LAMB3: variants seen among roughly 807,000 people sequenced by gnomAD.
LAMB3 encodes the protein laminin subunit beta 3.
LAMB3 carries 104 observed loss-of-function variants against 140.3 expected under a neutral mutation model. That is an observed-to-expected ratio of 0.74 (90% confidence interval 0.63 to 0.87). The LOEUF is 0.87. Ranked by LOEUF, LAMB3 falls within the 40% of genes least tolerant of loss-of-function variation. The probability of loss-of-function intolerance (pLI) is 0.00; values close to 1 mark genes in which losing one functional copy is unlikely to be tolerated. For missense variants in LAMB3, 1,531 were observed against 1,575.2 expected (o/e 0.97, Z 0.47); for synonymous variants, 592 against 602.9 (o/e 0.98, Z 0.26).
intron 3 of LAMB3, among the ~76,000 whole-genome samples, chr1:209,648,638 C>T (rs1028520464): frequency 1.3e-5 from 2 of 152,048 alleles, no homozygotes; most frequent in Non-Finnish European, 2.9e-5. Context: ...GCCAAAAGCC[C>T]CAGGCCTGGA....
At chr1:209,640,023 G>A (rs1446016712) in intron 3 of LAMB3, among the ~76,000 whole-genome samples, 1 of 152,184 alleles carries the variant, frequency 6.6e-6, no homozygotes, top group African/African-American at 2.4e-5. Context: ...CCTCTCCAAA[G>A]CTGGCACAGC....
At chr1:209,620,608 A>T (rs1425945528) in intron 18 of LAMB3, among the ~76,000 whole-genome samples, 3 of 152,256 alleles carry the variant, frequency 2.0e-5, no homozygotes, top group Non-Finnish European at 4.4e-5. Context: ...ATTAGGCTTG[A>T]AGCCTACCTG....
chr1:209,622,481 T>C, intron 18 of LAMB3, 55 bp downstream of exon 18: 2 of 1,606,130 alleles, frequency 1.2e-6, no homozygotes, highest in Non-Finnish European at 1.7e-6. Flanking sequence ...AACATGGGAA[T>C]GCGGGACAGG....
Position 209,617,600 on chromosome 1 carries a change from G to A in LAMB3, c.3052-14C>T, listed in dbSNP as rs750565887. On this transcript the variant is annotated splice_polypyrimidine_tract_variant and intron_variant, in intron 20 of 22. Coordinates refer to ENST00000356082, the MANE Select transcript of LAMB3 (RefSeq NM_000228.3). ...TACCTGCTGAACCTTTGTGGAAAGA[G>A]GGAGATCTGGCCTTTGTGGTGGGTC... 2 of 1,613,338 alleles carry A rather than the reference G, an allele frequency of 1.2e-6. No homozygotes were observed. The highest frequency in any genetic ancestry group is 3.3e-5 in the Admixed American group (2 of 60,030).
intron 3 of LAMB3, among the ~76,000 whole-genome samples, chr1:209,647,720 T>C (rs1465374787): frequency 6.6e-6 from 1 of 152,152 alleles, no homozygotes; most frequent in African/African-American, 2.4e-5. Flanking sequence ...GTACACCCCC[T>C]ATCTCTAACT....
intron 13 of LAMB3, 43 bp downstream of exon 13, chr1:209,626,824 C>G (rs751436472): frequency 6.7e-7 from 1 of 1,493,578 alleles, no homozygotes; most frequent in South Asian, 1.1e-5. Flanking sequence ...CCCGCGTGCT[C>G]GGCCCCCAGA....
intron 3 of LAMB3, among the ~76,000 whole-genome samples, chr1:209,641,752 T>G (rs1247552345): frequency 6.6e-6 from 1 of 152,216 alleles, no homozygotes; most frequent in Non-Finnish European, 1.5e-5. Flanking sequence ...CTGAAATACC[T>G]GAGCACTTAA....
chr1:209,640,493 A>G (rs1408015952), intron 3 of LAMB3, among the ~76,000 whole-genome samples: 1 of 151,992 alleles, frequency 6.6e-6, no homozygotes, highest in Non-Finnish European at 1.5e-5. Flanking sequence ...GGTTGCAGTG[A>G]GACGAGATCG....
rs1234780710 is a variant in LAMB3, at chr1:209,622,896, T to C, written c.2556+86A>G. On this transcript the variant is annotated intron_variant, in intron 17 of 22. Coordinates refer to ENST00000356082, the MANE Select transcript of LAMB3 (RefSeq NM_000228.3). ...GTCACCTAAAATCTCTGGACTTTAGTGTAAAATGGGAACTCTGACTTGCCC... is the reference window on the plus strand; with the variant it reads ...GTCACCTAAAATCTCTGGACTTTAGCGTAAAATGGGAACTCTGACTTGCCC... 6 of 1,497,808 alleles carry C rather than the reference T, an allele frequency of 4.0e-6. No individual in the cohort carries two copies. In the African/African-American group the frequency reaches 8.3e-5, roughly 21 times the overall value. 92.8% of individuals were successfully genotyped at this position (1,497,808 alleles called of 1,614,324 possible). A position where few individuals can be genotyped will look rare whatever the true frequency, so the allele number is the denominator to read the frequency against.
At position 209,622,687 on chromosome 1, in the gene LAMB3, A is replaced by G. The variant is rs766783805; in HGVS notation, c.2557-7T>C. 3 of 1,613,944 alleles carry G rather than the reference A, an allele frequency of 1.9e-6. No homozygotes were observed. Among genetic ancestry groups the G allele is most frequent in the Non-Finnish European group, 8.5e-7 (1 of 1,180,000 alleles). On this transcript the variant is annotated splice_polypyrimidine_tract_variant and splice_region_variant and intron_variant, in intron 17 of 22. Transcript: ENST00000356082. The stretch of plus-strand genomic sequence containing the variant: ...ATTCCTCGGCTGCCCTAATCTGTTG[A>G]CATACACTCTAGGTCAGAAGGGGTA...
intron 3 of LAMB3, among the ~76,000 whole-genome samples, chr1:209,646,064 G>A (rs1490080439): frequency 3.3e-5 from 5 of 152,216 alleles, no homozygotes; most frequent in Non-Finnish European, 7.3e-5. Flanking sequence ...CGCTGTGTAA[G>A]ACTGTTATTA....
At position 209,616,550 on chromosome 1, in the gene LAMB3, C is replaced by G. The variant is rs1665973336; in HGVS notation, c.3303G>C (p.Gln1101His). The change falls in exon 22 of 23, where the codon CAG (glutamine) becomes CAC (histidine). Residue 1101 changes from glutamine to histidine, a missense_variant. Physicochemically the swap from Gln to His is conservative, Grantham distance 24 (BLOSUM62 0). Coordinates refer to ENST00000356082, the MANE Select transcript of LAMB3 (RefSeq NM_000228.3). ...RLGQSSMLGE[Q>H]GARIQSVKTE... ...TCTTCACACTCTGGATCCGGGCACC[C>G]TGCTCACCCAGCATGGAACTCTGAC... 1 of 1,614,028 alleles carries G rather than the reference C, an allele frequency of 6.2e-7. No individual in the cohort carries two copies. The highest frequency in any genetic ancestry group is 8.5e-7 in the Non-Finnish European group (1 of 1,180,002).
At position 209,625,810 on chromosome 1, in the gene LAMB3, G is replaced by T; in HGVS notation, c.1814C>A (p.Ala605Asp). The T allele has an allele frequency of 6.2e-7, 1 of 1,614,158 alleles. No homozygotes were observed. The highest frequency in any genetic ancestry group is 8.5e-7 in the Non-Finnish European group (1 of 1,180,028). Residue 605 changes from alanine (A) to aspartate (D), a missense_variant, in exon 14 of 23, where the codon GCC (alanine) becomes GAC (aspartate). Ala to Asp is a moderately radical substitution (Grantham distance 126). Transcript: ENST00000356082. ...QALRFGRLRN[A>D]TASLWSGPGL... ...AGGCCCTGACCACAGGCTGGCGGTGGCATTGCGGAGTCTACCAAAGCGCAG... is the reference window on the plus strand; with the variant it reads ...AGGCCCTGACCACAGGCTGGCGGTGTCATTGCGGAGTCTACCAAAGCGCAG...
At chr1:209,624,921 AGG>A in intron 14 of LAMB3, among the ~76,000 whole-genome samples, 2 of 150,118 alleles carry the variant, frequency 1.3e-5, no homozygotes, top group African/African-American at 4.9e-5. Flanking sequence ...GAAGGAAGGA[AGG>A]AAGGAAGGAA....
rs10712661 is a variant in LAMB3, at chr1:209,638,982, AG to A, written c.184-335del. Among the ~76,000 whole-genome samples the A allele has an allele frequency of 0.48, 69,368 of 145,620 alleles. 17,750 individuals are homozygous for A. Among genetic ancestry groups the A allele is most frequent in the African/African-American group, 0.65 (25,591 of 39,130 alleles). On this transcript the variant is annotated intron_variant, in intron 3 of 22. Coordinates refer to ENST00000356082, the MANE Select transcript of LAMB3 (RefSeq NM_000228.3). ...TGAGAAAAGTGCCGAGAAAAAAAAA[AG>A]GGGGGCGGGGGGAGAAATTCATATT...
At chr1:209,627,309 A>C (rs1191560751) in intron 12 of LAMB3, 74 bp downstream of exon 12, 4 of 1,239,780 alleles carry the variant, frequency 3.2e-6, no homozygotes, top group Non-Finnish European at 4.6e-6. Flanking sequence ...GGCAGCATGG[A>C]GGGGCAGCAG....
chr1:209,622,197 G>A (rs1666220246), intron 18 of LAMB3, among the ~76,000 whole-genome samples: 1 of 152,252 alleles, frequency 6.6e-6, no homozygotes, highest in African/African-American at 2.4e-5. Context: ...CAGAGGCCAG[G>A]CTCTGTAGCC....
chr1:209,628,319 A>G, intron 10 of LAMB3, 129 bp from the exon 11 acceptor site: 1 of 1,024,802 alleles, frequency 9.8e-7, no homozygotes, highest in Non-Finnish European at 1.5e-6. Flanking sequence ...GCCTTAGTCA[A>G]GTTACTTAAT....
At chr1:209,632,139 T>C (rs902017701) in intron 8 of LAMB3, among the ~76,000 whole-genome samples, 2 of 152,166 alleles carry the variant, frequency 1.3e-5, no homozygotes, top group Non-Finnish European at 2.9e-5. Flanking sequence ...CCGTGCCCCA[T>C]ATCTCACCAC....
Sources: allele counts gnomAD v4.1 joint callset (sites outside exome capture counted in the v4.1 genomes callset), GRCh38; gene constraint gnomAD v4.1.1; transcripts MANE v1.5; gene names NCBI Gene and HGNC (gene_info 2026-07-23, HGNC 2026-07-21).